Variants in NRP2 observed in about 807,000 individuals in gnomAD.
NRP2 encodes neuropilin 2, also known as neuropilin-2.
Under a neutral mutation model 110.4 loss-of-function variants are expected in NRP2, and 52 were observed. The ratio of observed to expected loss-of-function variants is 0.47; its 90% CI spans 0.38 to 0.59. The LOEUF (loss-of-function observed/expected upper bound fraction) is 0.59. Among genes scored for constraint, NRP2 ranks in the 20% least tolerant of loss-of-function variants. The probability of loss-of-function intolerance (pLI) is 0.00; values close to 1 mark genes in which losing one functional copy is unlikely to be tolerated. For missense variants in NRP2, 1,049 were observed against 1,203.0 expected (o/e 0.87, Z 1.89); for synonymous variants, 508 against 468.9 (o/e 1.08, Z -1.08).
intron 3 of NRP2, among the ~76,000 whole-genome samples, chr2:205,717,206 T>G (rs867512406): frequency 3.7e-4 from 56 of 151,920 alleles, no homozygotes; most frequent in Admixed American, 9.8e-4. Context: ...AAGGGAAGCA[T>G]GTCCTCCAGT....
intron 10 of NRP2, among the ~76,000 whole-genome samples, chr2:205,747,157 C>A (rs1054973851): frequency 6.6e-6 from 1 of 152,148 alleles, no homozygotes; most frequent in Non-Finnish European, 1.5e-5. Flanking sequence ...CACACTTCTG[C>A]CCATGATACA....
chr2:205,751,463 CAGG>C lies in NRP2; in HGVS notation c.1904-1369_1904-1367del, dbSNP rs538646599. The stretch of plus-strand genomic sequence containing the variant: ...AGAAAAATAGAAATTCAGAAATTGT[CAGG>C]AGAAGGGGTGGTAAAGGCTAAGGGC... On this transcript the variant is annotated intron_variant, in intron 11 of 16. Coordinates refer to ENST00000357785, the MANE Select transcript of NRP2 (RefSeq NM_003872.3). 5.9e-5 allele frequency among the ~76,000 whole-genome samples: 9 copies of C among 152,010 alleles called. No individual in the cohort carries two copies. The South Asian group carries it at 1.9e-3, about 32-fold the overall frequency.
chr2:205,693,189 A>G (rs2056349200), intron 1 of NRP2, among the ~76,000 whole-genome samples: 1 of 152,210 alleles, frequency 6.6e-6, no homozygotes, highest in African/African-American at 2.4e-5. Context: ...TATAAAGTAG[A>G]TAAAGTATAT....
chr2:205,776,574 C>T, intron 15 of NRP2: 1 of 1,599,868 alleles, frequency 6.3e-7, no homozygotes, highest in Non-Finnish European at 8.5e-7. Context: ...AGACTGCAAA[C>T]ATGTTGCCTC....
Position 205,745,820 on chromosome 2 carries a change from G to T in NRP2, c.1716G>T (p.Arg572=). ...ACCCCATTCCGGCACAGTATGTGCGGGTATACCCGGAGAGGTGGTCGCCGG... is the reference window on the plus strand; with the variant it reads ...ACCCCATTCCGGCACAGTATGTGCGTGTATACCCGGAGAGGTGGTCGCCGG... The part of the protein sequence containing the change: ...RFDPIPAQYV[R]VYPERWSPAG... Residue 572 remains arginine, a synonymous_variant, in exon 10 of 17, where the codon CGG becomes CGT. Coordinates refer to ENST00000357785, the MANE Select transcript of NRP2 (RefSeq NM_003872.3). 1 of 1,614,222 alleles carries T rather than the reference G, an allele frequency of 6.2e-7. No homozygotes were observed.
chr2:205,771,720 G>C (rs949267410), intron 15 of NRP2, among the ~76,000 whole-genome samples: 3 of 152,188 alleles, frequency 2.0e-5, no homozygotes, highest in Non-Finnish European at 4.4e-5. Context: ...GAAGAGGACT[G>C]TTTCCTCTTC....
At chr2:205,749,907 TGGACA>T in intron 11 of NRP2, 66 bp downstream of exon 11, 1 of 1,293,022 alleles carries the variant, frequency 7.7e-7, no homozygotes, top group South Asian at 1.2e-5. Flanking sequence ...GGCCTGTGGC[TGGACA>T]GGGACCTAGT....
chr2:205,779,951 G>C (rs1559365889), intron 15 of NRP2, among the ~76,000 whole-genome samples: 1 of 152,172 alleles, frequency 6.6e-6, no homozygotes, highest in African/African-American at 2.4e-5. Context: ...TGATTGGTGT[G>C]GGATTTTGCA....
chr2:205,685,447 G>A (rs2056126571), intron 1 of NRP2, among the ~76,000 whole-genome samples: 3 of 152,226 alleles, frequency 2.0e-5, no homozygotes, highest in Admixed American at 2.0e-4. Flanking sequence ...TGCGCCGGCC[G>A]GGAAGGGGGC....
intron 3 of NRP2, 70 bp downstream of exon 3, chr2:205,716,444 G>GCCCACTGGGT: frequency 6.6e-7 from 1 of 1,518,074 alleles, no homozygotes; most frequent in Non-Finnish European, 9.1e-7. Flanking sequence ...GCACCCAGTG[G>GCCCACTGGGT]GCTGAGGCAC....
intron 11 of NRP2, chr2:205,752,543 C>T (rs1286167861): frequency 1.2e-5 from 5 of 419,806 alleles, no homozygotes; most frequent in South Asian, 2.2e-5. Context: ...GTCTGCTCTC[C>T]GAGGTGGACA....
At position 205,722,654 on chromosome 2, in the gene NRP2, G is replaced by A. The variant is rs779263768; in HGVS notation, c.610G>A (p.Gly204Arg). The A allele has an allele frequency of 6.2e-7, 1 of 1,614,078 alleles. No homozygotes were observed. The highest frequency in any genetic ancestry group is 1.3e-5 in the African/African-American group (1 of 74,932). ...CCTGGAGCATGACCCTTTGCAGGTG[G>A]GAGAGGGGGACTGCAAGTACGATTG... ...FDLEHDPLQV[G>R]EGDCKYDWLD... The change falls in exon 4 of 17, where the codon GGA becomes AGA. Residue 204 changes from glycine (G) to arginine (R), a missense_variant. By Grantham distance (125) the Gly-to-Arg change is moderately radical (BLOSUM62 -2). Transcript: ENST00000357785.
At position 205,743,283 on chromosome 2, in the gene NRP2, T is replaced by C. The variant is rs758275583; in HGVS notation, c.1372T>C (p.Tyr458His). ...SQISASSTQE[Y>H]LWSPSAARLV... ...GATCTCCGCCTCTTCCACCCAGGAATACCTCTGGAGCCCCAGTGCAGCCCG... is the reference window on the plus strand; with the variant it reads ...GATCTCCGCCTCTTCCACCCAGGAACACCTCTGGAGCCCCAGTGCAGCCCG... Residue 458 changes from tyrosine to histidine, a missense_variant, in exon 9 of 17, where the codon TAC becomes CAC. Coordinates refer to ENST00000357785, the MANE Select transcript of NRP2 (RefSeq NM_003872.3). 6.2e-7 allele frequency: 1 copy of C among 1,614,140 alleles called. No homozygotes were observed. The highest frequency in any genetic ancestry group is 2.2e-5 in the East Asian group (1 of 44,878).
intron 7 of NRP2, among the ~76,000 whole-genome samples, chr2:205,731,343 G>T (rs990062548): frequency 2.6e-5 from 4 of 152,200 alleles, no homozygotes; most frequent in African/African-American, 9.7e-5. Context: ...TAATACAACA[G>T]TAGAAGGTTC....
intron 15 of NRP2, chr2:205,776,934 T>C: frequency 8.5e-7 from 1 of 1,178,798 alleles, no homozygotes; most frequent in Non-Finnish European, 1.1e-6. Flanking sequence ...TCTGTGTGTA[T>C]GTACATAGTA....
intron 15 of NRP2, chr2:205,767,559 G>T: frequency 3.1e-6 from 1 of 326,542 alleles, no homozygotes; most frequent in South Asian, 2.3e-5. Context: ...AATTGGGGAT[G>T]CTTGCCTCAT....
chr2:205,755,133 C>A (rs2057713263), intron 12 of NRP2, among the ~76,000 whole-genome samples: 1 of 152,178 alleles, frequency 6.6e-6, no homozygotes, highest in African/African-American at 2.4e-5. Flanking sequence ...CAGTCCTGGC[C>A]TTCACCCGAA....
chr2:205,783,027 G>A (rs979159230), intron 15 of NRP2, among the ~76,000 whole-genome samples: 3 of 152,134 alleles, frequency 2.0e-5, no homozygotes, highest in African/African-American at 7.2e-5. Flanking sequence ...ACCTGTCCCT[G>A]CTTGAGAGCA....
intron 15 of NRP2, among the ~76,000 whole-genome samples, chr2:205,775,183 T>G (rs2058079711): frequency 6.6e-6 from 1 of 152,240 alleles, no homozygotes; most frequent in East Asian, 1.9e-4. Flanking sequence ...AGATCATGTC[T>G]GGTTTTGGCA....
Sources: allele counts gnomAD v4.1 joint callset (sites outside exome capture counted in the v4.1 genomes callset), GRCh38; gene constraint gnomAD v4.1.1; transcripts MANE v1.5; gene names NCBI Gene and HGNC (gene_info 2026-07-23, HGNC 2026-07-21).